Variants in RFX2 observed in about 807,000 individuals in gnomAD.
RFX2 encodes regulatory factor X2, also known as DNA-binding protein RFX2.
In RFX2, 20 loss-of-function variants were observed where a neutral mutation model predicts 87.8. The observed-to-expected ratio is 0.23, with a 90% CI of 0.16 to 0.33. The LOEUF is 0.33. RFX2 is among the 10% of genes least tolerant of loss of function. The pLI is 1.00. For synonymous variants in RFX2, 397 were observed against 431.3 expected (o/e 0.92, Z 0.98); for missense variants, 767 against 1,012.3 (o/e 0.76, Z 3.29).
intron 4 of RFX2, 63 bp downstream of exon 4, chr19:6,041,981 C>T: frequency 7.5e-7 from 1 of 1,335,460 alleles, no homozygotes; most frequent in South Asian, 1.2e-5. Flanking sequence ...GATGCCTCCC[C>T]AGGTGGCAAA....
In RFX2 at chr19:5,994,603, G is replaced by T; in HGVS notation, c.*232C>A. The T allele has an allele frequency of 1.8e-6, 1 of 559,750 alleles. No homozygotes were observed. Among genetic ancestry groups the T allele is most frequent in the Non-Finnish European group, 3.2e-6 (1 of 311,592 alleles). 34.7% of individuals were successfully genotyped at this position (559,750 alleles called of 1,614,324 possible). On this transcript the variant is annotated 3_prime_UTR_variant, in exon 18 of 18. Transcript: ENST00000303657. ...CTGGTGGGGCCCTGGTGGCTGCGCAGGGACCTGGGGACCCAGAGCACAGCT... is the reference window on the plus strand; with the variant it reads ...CTGGTGGGGCCCTGGTGGCTGCGCATGGACCTGGGGACCCAGAGCACAGCT...
rs183061992 is a variant in RFX2, at chr19:6,023,987, T to C, written c.597+2176A>G. Among the ~76,000 whole-genome samples, 43 of 152,152 alleles carry C rather than the reference T, an allele frequency of 2.8e-4. No homozygotes were observed. Among genetic ancestry groups the C allele is most frequent in the Admixed American group, 1.9e-3 (29 of 15,282 alleles). Reference sequence around the variant, plus strand: ...TAGAGATGGGGTTTCGTCATGTTGGTCAGGCTGGTCTGGAACTCCTGACCT... The same window carrying C: ...TAGAGATGGGGTTTCGTCATGTTGGCCAGGCTGGTCTGGAACTCCTGACCT... On this transcript the variant is annotated intron_variant, in intron 6 of 17. Transcript: ENST00000303657. The surrounding 1 kb of genome is among the most constrained non-coding windows in gnomAD (Gnocchi z 4.9).
At position 6,016,107 on chromosome 19, in the gene RFX2, C is replaced by T. The variant is rs763710483; in HGVS notation, c.762G>A (p.Thr254=). ...CTACCCACCTGGTGCCCAGCCGCCG[C>T]GTTCTCAGCCCCATAAACACAGAAC... ...LIRSVFMGLR[T]RRLGTRGNSK... is the part of the protein sequence containing the mutation. Residue 254 remains threonine, a synonymous_variant, in exon 7 of 18, where the codon ACG becomes ACA. Transcript: ENST00000303657. The surrounding 1 kb of genome is among the most constrained non-coding windows in gnomAD (Gnocchi z 5.4). 18 of 1,605,614 alleles carry T rather than the reference C, an allele frequency of 1.1e-5. No homozygotes were observed. The highest frequency in any genetic ancestry group is 6.7e-5 in the African/African-American group (5 of 74,694).
intron 1 of RFX2, chr19:6,073,649 A>AAG: frequency 3.8e-6 from 1 of 266,422 alleles, no homozygotes; most frequent in Non-Finnish European, 7.2e-6. Flanking sequence ...AAAACAATTA[A>AAG]AGATGGAAAG....
At chr19:6,072,298 T>C (rs940936980) in intron 1 of RFX2, among the ~76,000 whole-genome samples, 1 of 152,250 alleles carries the variant, frequency 6.6e-6, no homozygotes, top group Non-Finnish European at 1.5e-5. Context: ...TTCTTTCCAT[T>C]TGTCCTGGCT....
At chr19:6,049,111 A>T (rs889107866) in intron 1 of RFX2, 1 of 152,080 alleles carries the variant, frequency 6.6e-6, no homozygotes, top group African/African-American at 2.4e-5. Flanking sequence ...TCCTCAACTC[A>T]CTCTCTGTCT....
intron 1 of RFX2, among the ~76,000 whole-genome samples, chr19:6,067,715 G>A (rs1312525197): frequency 6.6e-6 from 1 of 152,212 alleles, no homozygotes; most frequent in Admixed American, 6.5e-5. Flanking sequence ...TCTAAGCAGT[G>A]CTCTTGTTTT....
chr19:6,048,139 C>G (rs1422965965), intron 1 of RFX2, among the ~76,000 whole-genome samples: 1 of 152,216 alleles, frequency 6.6e-6, no homozygotes, highest in Non-Finnish European at 1.5e-5. Flanking sequence ...GTGAGAACCA[C>G]TGGCTAGGGA....
In RFX2 at chr19:6,044,280, C is replaced by T. The variant is rs772009340; in HGVS notation, c.93G>A (p.Arg31=). ...TGGAGCTGGCTGCCTGGACCAACAC[C>T]CTCTAAAAGGGAAGGGAGAGAAGGC... ...AAPPVPASPQ[R]VLVQAASSNP... Residue 31 remains arginine, a splice_region_variant and synonymous_variant, in exon 3 of 18, where the codon AGG becomes AGA. Coordinates refer to ENST00000303657, the MANE Select transcript of RFX2 (RefSeq NM_000635.4). This position sits in a 1 kb window ranked among gnomAD's most constrained non-coding sequence, Gnocchi z 5.3. 19 of 1,544,436 alleles carry T rather than the reference C, an allele frequency of 1.2e-5. No individual in the cohort carries two copies. Among genetic ancestry groups the T allele is most frequent in the Non-Finnish European group, 1.7e-5 (19 of 1,144,578 alleles).
intron 1 of RFX2, among the ~76,000 whole-genome samples, chr19:6,052,052 ATTTT>A (rs1456422319): frequency 1.3e-5 from 2 of 151,992 alleles, no homozygotes; most frequent in Non-Finnish European, 2.9e-5. Context: ...TAATATTTGT[ATTTT>A]TAGTAGAGAC....
rs1403614136 is a variant in RFX2, at chr19:6,063,770, C to T, written c.-8-16266G>A. On this transcript the variant is annotated intron_variant, in intron 1 of 17. Coordinates refer to ENST00000303657, the MANE Select transcript of RFX2 (RefSeq NM_000635.4). This position sits in a 1 kb window ranked among gnomAD's most constrained non-coding sequence, Gnocchi z 4.0. ...TCTGGGGTGGGGCCGTCCTGGGCAC[C>T]GCAGGGTGCTGGGCAGCATCCCTGG... Among the ~76,000 whole-genome samples the T allele has an allele frequency of 6.6e-6, 1 of 152,174 alleles. No individual in the cohort carries two copies. Among genetic ancestry groups the T allele is most frequent in the African/African-American group, 2.4e-5 (1 of 41,436 alleles).
At position 6,002,887 on chromosome 19, in the gene RFX2, G is replaced by A. The variant is rs749751214; in HGVS notation, c.1501-17C>T. 79 of 1,596,046 alleles carry A rather than the reference G, an allele frequency of 4.9e-5. No homozygotes were observed. Among genetic ancestry groups the A allele is most frequent in the Middle Eastern group, 1.7e-4 (1 of 5,726 alleles). ...GACGCCCACCTGTAAGCCAGGGCTCGTGGTGAGCAGGGGTTCGCAGGGAGA... is the reference window on the plus strand; with the variant it reads ...GACGCCCACCTGTAAGCCAGGGCTCATGGTGAGCAGGGGTTCGCAGGGAGA... On this transcript the variant is annotated splice_polypyrimidine_tract_variant and intron_variant, in intron 13 of 17. Transcript: ENST00000303657. The surrounding 1 kb of genome is among the most constrained non-coding windows in gnomAD (Gnocchi z 6.7).
chr19:6,026,138 G>C lies in RFX2; in HGVS notation c.597+25C>G. The C allele has an allele frequency of 6.3e-7, 1 of 1,595,316 alleles. No homozygotes were observed. Among genetic ancestry groups the C allele is most frequent in the South Asian group, 1.1e-5 (1 of 89,834 alleles). ...CAGGTTACAAGCAGAGCAGGGACAG[G>C]TTGCCAGGTCAGACGCACACTTACA... On this transcript the variant is annotated intron_variant, in intron 6 of 17. Transcript: ENST00000303657. This position sits in a 1 kb window ranked among gnomAD's most constrained non-coding sequence, Gnocchi z 4.5.
At chr19:6,082,261 T>C (rs928748358) in intron 1 of RFX2, among the ~76,000 whole-genome samples, 10 of 143,862 alleles carry the variant, frequency 7.0e-5, no homozygotes, top group Admixed American at 1.4e-4. Context: ...TCCATTGCAT[T>C]CCAGCCTGGG....
At chr19:6,005,262 T>TC (rs1391904460) in intron 12 of RFX2, among the ~76,000 whole-genome samples, 1 of 152,220 alleles carries the variant, frequency 6.6e-6, no homozygotes, top group African/African-American at 2.4e-5. Flanking sequence ...TTTTGCTGTT[T>TC]CCCATCTTCC....
At chr19:6,019,042 A>C (rs1332290448) in intron 6 of RFX2, among the ~76,000 whole-genome samples, 1 of 151,698 alleles carries the variant, frequency 6.6e-6, no homozygotes, top group African/African-American at 2.4e-5. Flanking sequence ...CCCTGTGTGA[A>C]GTGCAGTGTC....
chr19:6,097,396 T>G (rs2088045208), intron 1 of RFX2, among the ~76,000 whole-genome samples: 1 of 152,082 alleles, frequency 6.6e-6, no homozygotes, highest in Admixed American at 6.5e-5. Context: ...TGCATGGAGT[T>G]TAGCGGCAGG....
intron 1 of RFX2, among the ~76,000 whole-genome samples, chr19:6,072,300 G>C (rs2087618615): frequency 6.6e-6 from 1 of 152,134 alleles, no homozygotes; most frequent in African/African-American, 2.4e-5. Context: ...CTTTCCATTT[G>C]TCCTGGCTTC....
chr19:6,107,767 T>C (rs1249420757), intron 1 of RFX2, among the ~76,000 whole-genome samples: 1 of 151,932 alleles, frequency 6.6e-6, no homozygotes, highest in East Asian at 1.9e-4. Flanking sequence ...AAGACCCAGA[T>C]AAACAATTCC....
Sources: allele counts gnomAD v4.1 joint callset (sites outside exome capture counted in the v4.1 genomes callset), GRCh38; gene constraint gnomAD v4.1.1; non-coding constraint Gnocchi (gnomAD v3.1); transcripts MANE v1.5; gene names NCBI Gene and HGNC (gene_info 2026-07-23, HGNC 2026-07-21).